The following ANXA6 variants were observed in gnomAD, a reference collection of about 807,000 sequenced individuals.
The protein encoded by ANXA6 is annexin A6, also known as 67 kDa calelectrin.
Under a neutral mutation model 95.4 loss-of-function variants are expected in ANXA6, and 71 were observed. The ratio of observed to expected loss-of-function variants is 0.74; its 90% confidence interval spans 0.61 to 0.91. The LOEUF (loss-of-function observed/expected upper bound fraction) is 0.91. Among genes scored for constraint, ANXA6 ranks in the 40% least tolerant of loss-of-function variants. The pLI is 0.00. For missense variants in ANXA6, 830 were observed against 876.4 expected, an observed-to-expected ratio of 0.95 and a Z score of 0.67; for synonymous variants, 289 against 315.9, an observed-to-expected ratio of 0.91 and a Z score of 0.90.
intron 5 of ANXA6, among the ~76,000 whole-genome samples, chr5:151,138,263 C>G (rs767827110): frequency 6.6e-6 from 1 of 152,128 alleles, no homozygotes; most frequent in Non-Finnish European, 1.5e-5. Flanking sequence ...ATTTTTACAC[C>G]CTGCAATGAC....
chr5:151,128,961 A>AG (rs1765409931), intron 12 of ANXA6, among the ~76,000 whole-genome samples: 1 of 151,534 alleles, frequency 6.6e-6, no homozygotes, highest in Admixed American at 6.6e-5. Context: ...AAAAAAAAAA[A>AG]AAGGGAAAAC....
chr5:151,121,274 C>T (rs1472532851), intron 17 of ANXA6, among the ~76,000 whole-genome samples: 1 of 152,202 alleles, frequency 6.6e-6, no homozygotes, highest in African/African-American at 2.4e-5. Flanking sequence ...AACTTAACCT[C>T]CAAGTCTCAG....
At chr5:151,116,676 G>T (rs1325400137) in intron 20 of ANXA6, among the ~76,000 whole-genome samples, 1 of 152,134 alleles carries the variant, frequency 6.6e-6, no homozygotes, top group Non-Finnish European at 1.5e-5. Flanking sequence ...TACTTTCTAG[G>T]CTCGTCCCAG....
rs1274402885 is a variant in ANXA6, at chr5:151,109,736, AGGAGGTCAGGCCTCACCTCTCC to A, written c.1679_1684+16del. Reference sequence around the variant, plus strand: ...GATCTTCCTGCTGAGCTGGGAAGGGAGGAGGTCAGGCCTCACCTCTCCGGAGGTGCGGATAGCTCCGGGTACA... The same window carrying A: ...GATCTTCCTGCTGAGCTGGGAAGGGAGGAGGTGCGGATAGCTCCGGGTACA... On this transcript the variant is annotated splice_donor_variant and splice_donor_5th_base_variant and coding_sequence_variant and intron_variant, in exon 22 of 26. Coordinates refer to ENST00000354546, the MANE Select transcript of ANXA6 (RefSeq NM_001155.5). LOFTEE classifies it high-confidence loss of function. 2 of 1,583,156 alleles carry A rather than the reference AGGAGGTCAGGCCTCACCTCTCC, an allele frequency of 1.3e-6. No homozygotes were observed. Among genetic ancestry groups the A allele is most frequent in the Non-Finnish European group, 1.7e-6 (2 of 1,157,742 alleles).
At position 151,129,288 on chromosome 5, in the gene ANXA6, G is replaced by A. The variant is rs184137397; in HGVS notation, c.918+119C>T. The A allele has an allele frequency of 3.7e-5, 48 of 1,285,082 alleles. 1 individual carries two copies. The African/African-American group carries it at 6.0e-4, about 16-fold the overall frequency. The allele number at this position is 1,285,082 out of a possible 1,614,324, so 79.6% of individuals were successfully genotyped here. On this transcript the variant is annotated intron_variant, in intron 12 of 25. Coordinates refer to ENST00000354546, the MANE Select transcript of ANXA6 (RefSeq NM_001155.5). ...ATGAGCCACAAGGCAGGAGCTCCTG[G>A]AATGTCCAAGAGACTCCCACTTCCT...
intron 13 of ANXA6, 93 bp downstream of exon 13, chr5:151,128,088 C>T (rs930791826): frequency 6.3e-6 from 7 of 1,109,756 alleles, no homozygotes; most frequent in Non-Finnish European, 9.4e-6. Context: ...ATCCCCAGCT[C>T]ATCCAATCCA....
chr5:151,103,575 T>G lies in ANXA6; in HGVS notation c.1957A>C (p.Ile653Leu). 1 of 1,612,768 alleles carries G rather than the reference T, an allele frequency of 6.2e-7. No homozygotes were observed. Among genetic ancestry groups the G allele is most frequent in the Non-Finnish European group, 8.5e-7 (1 of 1,179,392 alleles). The change falls in exon 25 of 26, where the codon ATT becomes CTT. Residue 653 changes from isoleucine (I) to leucine (L), a missense_variant. Ile to Leu is a conservative substitution (Grantham distance 5). Coordinates refer to ENST00000354546, the MANE Select transcript of ANXA6 (RefSeq NM_001155.5). ...CCTCTAGCCCCTCCCCTTACCTCAA[T>G]GGCTTGGTGGAGAGACTTGTCATAT... ...EKYDKSLHQA[I>L]EGDTSGDFLK...
chr5:151,115,884 C>A (rs1350308517), intron 20 of ANXA6, among the ~76,000 whole-genome samples: 1 of 152,200 alleles, frequency 6.6e-6, no homozygotes, highest in African/African-American at 2.4e-5. Context: ...TCTACTGGGT[C>A]TTGGAAGATA....
In ANXA6 at chr5:151,133,157, C is replaced by T; in HGVS notation, c.577G>A (p.Gly193Arg). ...TAAATGAACTGGGCTTCATCTGTTCCCCATTTCAGTTCCCCTGCCTCGTAT... is the reference window on the plus strand; with the variant it reads ...TAAATGAACTGGGCTTCATCTGTTCTCCATTTCAGTTCCCCTGCCTCGTAT... ...DLYEAGELKW[G>R]TDEAQFIYIL... Residue 193 changes from glycine to arginine, a missense_variant, in exon 9 of 26, where the codon GGA (glycine) becomes AGA (arginine). Transcript: ENST00000354546. 2 of 1,596,322 alleles carry T rather than the reference C, an allele frequency of 1.3e-6. No homozygotes were observed. The highest frequency in any genetic ancestry group is 1.7e-6 in the Non-Finnish European group (2 of 1,171,026).
In ANXA6 at chr5:151,131,236, T is replaced by G. The variant is rs768597145; in HGVS notation, c.790A>C (p.Met264Leu). Residue 264 changes from methionine (M) to leucine (L), a missense_variant, in exon 11 of 26, where the codon ATG becomes CTG. Coordinates refer to ENST00000354546, the MANE Select transcript of ANXA6 (RefSeq NM_001155.5). Reference sequence around the variant, plus strand: ...ACATCAGCCCCACCACGCACCTTCATAGCCTTGAAGAGCCTTTCAGCAAAA... The same window carrying G: ...ACATCAGCCCCACCACGCACCTTCAGAGCCTTGAAGAGCCTTTCAGCAAAA... ...EYFAERLFKA[M>L]KGLGTRDNTL... 2 of 1,613,992 alleles carry G rather than the reference T, an allele frequency of 1.2e-6. No individual in the cohort carries two copies. The highest frequency in any genetic ancestry group is 2.7e-5 in the African/African-American group (2 of 75,064).
At chr5:151,118,261 C>CTTT (rs11452926) in intron 18 of ANXA6, among the ~76,000 whole-genome samples, 1 of 142,460 alleles carries the variant, frequency 7.0e-6, no homozygotes. Flanking sequence ...AAAATGTAAA[C>CTTT]TTTTTTTTTT....
chr5:151,114,115 G>C (rs1365587222), intron 20 of ANXA6, among the ~76,000 whole-genome samples: 1 of 152,194 alleles, frequency 6.6e-6, no homozygotes, highest in Non-Finnish European at 1.5e-5. Flanking sequence ...ATTAGTGGTT[G>C]CTTAGGGCTG....
intron 20 of ANXA6, among the ~76,000 whole-genome samples, chr5:151,113,623 G>A (rs112793433): frequency 1.3e-5 from 2 of 152,124 alleles, no homozygotes; most frequent in African/African-American, 4.8e-5. Flanking sequence ...GCATCTTTAA[G>A]ATAATAATAT....
chr5:151,121,370 G>A (rs1765162820), intron 17 of ANXA6, among the ~76,000 whole-genome samples: 1 of 152,176 alleles, frequency 6.6e-6, no homozygotes, highest in South Asian at 2.1e-4. Flanking sequence ...TACCTAACCT[G>A]GGAGAGTTAC....
At chr5:151,154,592 G>A (rs1766189114) in intron 1 of ANXA6, among the ~76,000 whole-genome samples, 1 of 152,038 alleles carries the variant, frequency 6.6e-6, no homozygotes, top group South Asian at 2.1e-4. Context: ...AGACACCCAG[G>A]ACCCGCTCCA....
intron 24 of ANXA6, among the ~76,000 whole-genome samples, 173 bp from the exon 25 acceptor site, chr5:151,103,865 AC>A (rs1345817012): frequency 5.3e-5 from 8 of 152,198 alleles, no homozygotes; most frequent in African/African-American, 1.9e-4. Context: ...TGTGCCCAGG[AC>A]TGGCCAGACT....
At chr5:151,128,616 T>C (rs1289727390) in intron 12 of ANXA6, among the ~76,000 whole-genome samples, 2 of 152,098 alleles carry the variant, frequency 1.3e-5, no homozygotes, top group African/African-American at 2.4e-5. Context: ...GAAATATGCA[T>C]GGAAATGGGG....
At chr5:151,130,057 C>A (rs577625505) in intron 11 of ANXA6, among the ~76,000 whole-genome samples, 57 of 152,224 alleles carry the variant, frequency 3.7e-4, no homozygotes, top group African/African-American at 1.3e-3. Flanking sequence ...ACTTGATTTT[C>A]CTTATAATTT....
At chr5:151,151,930 G>A (rs1239016811) in intron 1 of ANXA6, among the ~76,000 whole-genome samples, 2 of 152,224 alleles carry the variant, frequency 1.3e-5, no homozygotes, top group Non-Finnish European at 2.9e-5. Context: ...ACCCACACAG[G>A]AGCAGAATGA....
Sources: allele counts gnomAD v4.1 joint callset (sites outside exome capture counted in the v4.1 genomes callset), GRCh38; gene constraint gnomAD v4.1.1; transcripts MANE v1.5; gene names NCBI Gene and HGNC (gene_info 2026-07-23, HGNC 2026-07-21).